Variants in TRIM44 observed in about 807,000 individuals in gnomAD.
TRIM44 encodes tripartite motif containing 44.
In TRIM44, 13 loss-of-function variants were observed where a neutral mutation model predicts 37.4. That is an observed-to-expected ratio of 0.35 (90% CI 0.23 to 0.55). The LOEUF (loss-of-function observed/expected upper bound fraction) is 0.55, where lower values mean the gene tolerates loss of function less well. Ranked by LOEUF, TRIM44 falls within the 20% of genes least tolerant of loss-of-function variation. The pLI is 0.89. For missense variants in TRIM44, 426 were observed against 437.2 expected (o/e 0.97, Z 0.23); for synonymous variants, 175 against 157.2 (o/e 1.11, Z -0.85).
At chr11:35,802,563 A>C (rs1853384497) in intron 4 of TRIM44, among the ~76,000 whole-genome samples, 1 of 152,180 alleles carries the variant, frequency 6.6e-6, no homozygotes, top group Non-Finnish European at 1.5e-5. Context: ...AAAACTACCC[A>C]GGCCCAAATA....
chr11:35,803,272 T>TAAA (rs35125638), intron 4 of TRIM44, among the ~76,000 whole-genome samples: 1 of 142,426 alleles, frequency 7.0e-6, no homozygotes, highest in Admixed American at 7.0e-5. Context: ...TTAGTTTATT[T>TAAA]AAAAAAAAAA....
At chr11:35,757,924 C>T (rs182659211) in intron 4 of TRIM44, among the ~76,000 whole-genome samples, 80 of 152,142 alleles carry the variant, frequency 5.3e-4, no homozygotes, top group African/African-American at 1.8e-3. Context: ...TCCCACTATG[C>T]GGTCAATTTT....
chr11:35,714,026 C>T (rs1235123193), intron 2 of TRIM44, among the ~76,000 whole-genome samples: 1 of 152,088 alleles, frequency 6.6e-6, no homozygotes, highest in African/African-American at 2.4e-5. Context: ...GGCAAGGAGC[C>T]TCAGTATTGA....
At chr11:35,710,285 CTAAGGTTATCTCT>C (rs1041278360) in intron 2 of TRIM44, among the ~76,000 whole-genome samples, 4 of 152,088 alleles carry the variant, frequency 2.6e-5, no homozygotes, top group Non-Finnish European at 5.9e-5. Flanking sequence ...CCTTTTTCAC[CTAAGGTTATCTCT>C]TATAAATGGA....
chr11:35,715,160 A>G (rs1316611927), intron 2 of TRIM44, among the ~76,000 whole-genome samples: 4 of 152,154 alleles, frequency 2.6e-5, no homozygotes, highest in African/African-American at 9.7e-5. Context: ...TGTCATGGCA[A>G]TAAAGTTATA....
At chr11:35,724,519 C>T (rs1852146617) in intron 2 of TRIM44, among the ~76,000 whole-genome samples, 1 of 152,192 alleles carries the variant, frequency 6.6e-6, no homozygotes, top group Admixed American at 6.5e-5. Context: ...CTCCCTATCT[C>T]AGCTACACTC....
intron 2 of TRIM44, among the ~76,000 whole-genome samples, chr11:35,725,678 A>G (rs1254577028): frequency 1.3e-5 from 2 of 152,096 alleles, no homozygotes; most frequent in African/African-American, 4.8e-5. Flanking sequence ...TTACTGGTAT[A>G]AAAATGAACA....
intron 2 of TRIM44, among the ~76,000 whole-genome samples, chr11:35,698,290 G>T (rs1211777386): frequency 7.9e-6 from 1 of 126,652 alleles, no homozygotes; most frequent in African/African-American, 3.3e-5. Context: ...TAATCCTTTG[G>T]GTACATACCC....
At chr11:35,683,911 T>C (rs1339627366) in intron 1 of TRIM44, among the ~76,000 whole-genome samples, 1 of 152,104 alleles carries the variant, frequency 6.6e-6, no homozygotes, top group African/African-American at 2.4e-5. Context: ...GGGAGACAGA[T>C]AGTAATAAAA....
chr11:35,730,910 C>T (rs1372447384), intron 3 of TRIM44, among the ~76,000 whole-genome samples: 6 of 141,656 alleles, frequency 4.2e-5, no homozygotes, highest in South Asian at 2.2e-4. Flanking sequence ...AGTGCAGTGG[C>T]GTGATCTCGG....
At chr11:35,712,291 T>C (rs2135508665) in intron 2 of TRIM44, among the ~76,000 whole-genome samples, 1 of 152,338 alleles carries the variant, frequency 6.6e-6, no homozygotes, top group African/African-American at 2.4e-5. Flanking sequence ...TTAGCAGAAC[T>C]GCTTGGTGCC....
At chr11:35,701,379 A>G (rs531957058) in intron 2 of TRIM44, among the ~76,000 whole-genome samples, 1 of 149,430 alleles carries the variant, frequency 6.7e-6, no homozygotes, top group East Asian at 1.9e-4. Context: ...GTGCTCTTTA[A>G]AAAAAAAAAG....
At chr11:35,686,366 TTG>T (rs1195549947) in intron 2 of TRIM44, among the ~76,000 whole-genome samples, 1 of 149,798 alleles carries the variant, frequency 6.7e-6, no homozygotes, top group East Asian at 1.9e-4. Flanking sequence ...CTTTTTGTTT[TTG>T]TTTTTGTTTT....
intron 4 of TRIM44, among the ~76,000 whole-genome samples, chr11:35,756,707 T>C (rs933041092): frequency 2.0e-5 from 3 of 152,194 alleles, no homozygotes; most frequent in Non-Finnish European, 4.4e-5. Flanking sequence ...TGAGAGTTTT[T>C]AGCATGAAGG....
At chr11:35,703,375 T>C (rs1437696014) in intron 2 of TRIM44, among the ~76,000 whole-genome samples, 2 of 152,186 alleles carry the variant, frequency 1.3e-5, no homozygotes, top group Non-Finnish European at 2.9e-5. Flanking sequence ...CAGACTTAAA[T>C]ATCCCTGTCT....
In TRIM44 at chr11:35,712,346, T is replaced by C. The variant is rs938662113; in HGVS notation, c.748-13578T>C. On this transcript the variant is annotated intron_variant, in intron 2 of 4. Coordinates refer to ENST00000299413, the MANE Select transcript of TRIM44 (RefSeq NM_017583.6). ...GAAGTTATTTTAGGAATAACTTTACTTAAAGTTATTTAAGAAACACATTAG... is the reference window on the plus strand; with the variant it reads ...GAAGTTATTTTAGGAATAACTTTACCTAAAGTTATTTAAGAAACACATTAG... Among the ~76,000 whole-genome samples, 22 of 152,198 alleles carry C rather than the reference T, an allele frequency of 1.4e-4. 1 individual carries two copies. The highest frequency in any genetic ancestry group is 2.6e-4 in the Non-Finnish European group (18 of 68,026).
chr11:35,693,209 A>G (rs1282438959), intron 2 of TRIM44, among the ~76,000 whole-genome samples: 1 of 152,186 alleles, frequency 6.6e-6, no homozygotes, highest in African/African-American at 2.4e-5. Context: ...TTGTCTACCT[A>G]TTAAGTTAGG....
rs1853554970 is a variant in TRIM44, at chr11:35,814,037, A to AAATTATATATATGGT, written c.*7653_*7654insATTATATATATGGTA. The AAATTATATATATGGT allele has an allele frequency of 1.3e-5, 2 of 152,192 alleles. No homozygotes were observed. Among genetic ancestry groups the AAATTATATATATGGT allele is most frequent in the South Asian group, 4.1e-4 (2 of 4,836 alleles). 9.4% of individuals were successfully genotyped at this position (152,192 alleles called of 1,614,324 possible). A position where few individuals can be genotyped will look rare whatever the true frequency, so the allele number is the denominator to read the frequency against. The stretch of plus-strand genomic sequence containing the variant: ...ATACAGATCAAATTCTGTTACAACA[A>AAATTATATATATGGT]ATACTGCTACCATAAAAGTCACTTA... On this transcript the variant is annotated 3_prime_UTR_variant, in exon 5 of 5. Coordinates refer to ENST00000299413, the MANE Select transcript of TRIM44 (RefSeq NM_017583.6).
intron 2 of TRIM44, among the ~76,000 whole-genome samples, chr11:35,688,947 C>T (rs1851611784): frequency 6.6e-6 from 1 of 151,990 alleles, no homozygotes; most frequent in African/African-American, 2.4e-5. Context: ...AGTAGAAGAG[C>T]CCCTAGAAAT....
Sources: allele counts gnomAD v4.1 joint callset (sites outside exome capture counted in the v4.1 genomes callset), GRCh38; gene constraint gnomAD v4.1.1; transcripts MANE v1.5; gene names NCBI Gene and HGNC (gene_info 2026-07-23, HGNC 2026-07-21).